ENTPD1: variants seen among roughly 807,000 people sequenced by gnomAD.
ENTPD1 encodes the protein ATP diphosphohydrolase.
Under a neutral mutation model 57.0 loss-of-function variants are expected in ENTPD1, and 33 were observed. That is an observed-to-expected ratio of 0.58 (90% confidence interval 0.44 to 0.77). The LOEUF (loss-of-function observed/expected upper bound fraction) is 0.77, where lower values mean the gene tolerates loss of function less well. Ranked by LOEUF, ENTPD1 falls within the 30% of genes least tolerant of loss-of-function variation. ENTPD1 has a pLI of 0.00. For missense variants in ENTPD1, 501 were observed against 603.4 expected, an observed-to-expected ratio of 0.83 and a Z score of 1.78; for synonymous variants, 202 against 218.8, an observed-to-expected ratio of 0.92 and a Z score of 0.68.
chr10:95,695,707 A>G, the ENTPD1 span, among the ~76,000 whole-genome samples: 2 of 152,232 alleles, frequency 1.3e-5, no homozygotes, highest in South Asian at 4.1e-4. Flanking sequence ...TTATATGATC[A>G]TATGTATATA....
At chr10:95,836,044 G>A (rs969485823) in intron 2 of ENTPD1, among the ~76,000 whole-genome samples, 3 of 152,086 alleles carry the variant, frequency 2.0e-5, no homozygotes, top group Non-Finnish European at 4.4e-5. Flanking sequence ...TCTACATATG[G>A]TTAGCCAGTT....
intron 1 of ENTPD1, among the ~76,000 whole-genome samples, chr10:95,733,999 G>A (rs1325304777): frequency 6.6e-6 from 1 of 152,148 alleles, no homozygotes; most frequent in African/African-American, 2.4e-5. Flanking sequence ...CTGTTCTGTG[G>A]TCATGTCCTG....
chr10:95,710,282 G>A (rs778606925), upstream of ENTPD1, among the ~76,000 whole-genome samples: 2 of 151,946 alleles, frequency 1.3e-5, no homozygotes, highest in African/African-American at 2.4e-5. Flanking sequence ...GTGCTGGCCT[G>A]TAATCCCAGC....
chr10:95,825,143 C>A (rs1364319671), intron 2 of ENTPD1, among the ~76,000 whole-genome samples: 3 of 152,218 alleles, frequency 2.0e-5, no homozygotes, highest in African/African-American at 7.2e-5. Flanking sequence ...ATTAAAAATT[C>A]TGTCCCTCTG....
chr10:95,819,551 C>T (rs1178462121), intron 1 of ENTPD1, among the ~76,000 whole-genome samples: 2 of 152,170 alleles, frequency 1.3e-5, no homozygotes, highest in Non-Finnish European at 2.9e-5. Flanking sequence ...AGAACCTTTG[C>T]TTCCTTTGAT....
chr10:95,796,895 A>G (rs1204973388), intron 1 of ENTPD1, among the ~76,000 whole-genome samples: 1 of 152,054 alleles, frequency 6.6e-6, no homozygotes, highest in African/African-American at 2.4e-5. Context: ...CCTGGGCAAC[A>G]TATTGAGACC....
intron 7 of ENTPD1, among the ~76,000 whole-genome samples, chr10:95,848,715 C>A (rs1273296474): frequency 6.6e-6 from 1 of 152,204 alleles, no homozygotes; most frequent in Non-Finnish European, 1.5e-5. Context: ...ACACATTTTG[C>A]AGAAGTGCCA....
At chr10:95,797,676 G>A (rs527855075) in intron 1 of ENTPD1, among the ~76,000 whole-genome samples, 1 of 152,272 alleles carries the variant, frequency 6.6e-6, no homozygotes, top group African/African-American at 2.4e-5. Flanking sequence ...AGGAGGAGGT[G>A]CCAGGCTCTT....
In ENTPD1 at chr10:95,847,652, C is replaced by A; in HGVS notation, c.1020C>A (p.Tyr340Ter). The change falls in exon 7 of 10, where the codon TAC becomes TAA. Residue 340 changes from tyrosine to a stop codon, truncating the protein, a stop_gained. Transcript: ENST00000371205. LOFTEE classifies it high-confidence loss of function. ...TCTTCAACACCAGTTACTGCCCTTA[C>A]TCCCAGTGTGCCTTCAATGGGATTT... ...LELFNTSYCP[Y>*]SQCAFNGIFL... 1.2e-6 allele frequency: 2 copies of A among 1,614,246 alleles called. No individual in the cohort carries two copies. The highest frequency in any genetic ancestry group is 1.7e-6 in the Non-Finnish European group (2 of 1,180,036).
At chr10:95,751,432 T>C (rs1392349363), upstream of ENTPD1, among the ~76,000 whole-genome samples, 3 of 151,960 alleles carry the variant, frequency 2.0e-5, no homozygotes, top group Non-Finnish European at 2.9e-5. Flanking sequence ...CATTATCTAA[T>C]GTAGGGGTTG....
the ENTPD1 span, among the ~76,000 whole-genome samples, chr10:95,694,779 A>G: frequency 6.6e-6 from 1 of 151,864 alleles, no homozygotes; most frequent in African/African-American, 2.4e-5. Flanking sequence ...AGCGCGGGCC[A>G]TGGGACTTTC....
At chr10:95,854,611 C>A (rs2098451234) in intron 7 of ENTPD1, among the ~76,000 whole-genome samples, 1 of 151,920 alleles carries the variant, frequency 6.6e-6, no homozygotes, top group East Asian at 1.9e-4. Context: ...TGAATGTGTC[C>A]CAGAGATTCT....
rs1566107659 is a variant in ENTPD1, at chr10:95,756,197, G to GC, written c.-43_-42insC. The GC allele has an allele frequency of 6.3e-6, 10 of 1,581,056 alleles. No individual in the cohort carries two copies. In the Admixed American group the frequency reaches 1.4e-4, roughly 23 times the overall value. Reference sequence around the variant, plus strand: ...GACCACAGCAAGCAGAGGCTGGGGGGGGGAAAGACGAGGAAAGAGGAGGAA... The same window carrying GC: ...GACCACAGCAAGCAGAGGCTGGGGGGCGGGAAAGACGAGGAAAGAGGAGGAA... On this transcript the variant is annotated 5_prime_UTR_variant, in exon 1 of 10. Transcript: ENST00000371205.
At chr10:95,755,219 T>C (rs2098019312), upstream of ENTPD1, 2 of 155,564 alleles carry the variant, frequency 1.3e-5, no homozygotes, top group African/African-American at 4.8e-5. Flanking sequence ...TATGTGAGCA[T>C]GAGCAGGTGG....
chr10:95,716,803 T>C (rs1188827927), intron 1 of ENTPD1, among the ~76,000 whole-genome samples: 1 of 152,242 alleles, frequency 6.6e-6, no homozygotes, highest in Non-Finnish European at 1.5e-5. Context: ...TATTCCATTA[T>C]AGCAATGTAA....
At chr10:95,862,042 C>T (rs1394829620) in intron 8 of ENTPD1, among the ~76,000 whole-genome samples, 2 of 151,884 alleles carry the variant, frequency 1.3e-5, no homozygotes, top group Non-Finnish European at 2.9e-5. Flanking sequence ...CCTCTCTTAT[C>T]CACATCTCAT....
intron 6 of ENTPD1, among the ~76,000 whole-genome samples, chr10:95,847,210 A>C (rs2098437460): frequency 6.6e-6 from 1 of 152,144 alleles, no homozygotes; most frequent in African/African-American, 2.4e-5. Context: ...AGTTTTAACT[A>C]CATCAGCATT....
At chr10:95,774,612 A>G (rs375328720) in intron 1 of ENTPD1, among the ~76,000 whole-genome samples, 18 of 151,976 alleles carry the variant, frequency 1.2e-4, no homozygotes, top group Admixed American at 3.9e-4. Context: ...TCTTGTTTTT[A>G]TCAGGTTTGT....
Position 95,860,598 on chromosome 10 carries a change from C to T in ENTPD1, c.1188+16C>T, listed in dbSNP as rs1006585645. ...TTGGGAGGAGGTAAGTGACTAGGCACAGCAGCTCTAACAGCATGAGTGCCC... is the reference window on the plus strand; with the variant it reads ...TTGGGAGGAGGTAAGTGACTAGGCATAGCAGCTCTAACAGCATGAGTGCCC... On this transcript the variant is annotated intron_variant, in intron 8 of 9. Transcript: ENST00000371205. 6.2e-7 allele frequency: 1 copy of T among 1,604,904 alleles called. No individual in the cohort carries two copies. Among genetic ancestry groups the T allele is most frequent in the Non-Finnish European group, 8.5e-7 (1 of 1,172,136 alleles).
Sources: gnomAD v4.1 joint callset for allele counts (sites outside exome capture counted in the v4.1 genomes callset) on GRCh38, gnomAD v4.1.1 for gene constraint, MANE v1.5 for transcripts, NCBI Gene and HGNC (gene_info 2026-07-23, HGNC 2026-07-21) for gene names.